The following PHACTR1 variants were observed in gnomAD, a reference collection of about 807,000 sequenced individuals.
PHACTR1 encodes the protein phosphatase and actin regulator 1.
A neutral mutation model predicts 69.2 loss-of-function variants in PHACTR1; 16 were observed. That is an observed-to-expected ratio of 0.23 (90% CI 0.16 to 0.35). The LOEUF is 0.35. Among genes scored for constraint, PHACTR1 ranks in the 10% least tolerant of loss-of-function variants. The pLI, the probability that PHACTR1 is intolerant of heterozygous loss-of-function variation, is 1.00. For missense variants in PHACTR1, 510 were observed against 734.7 expected (o/e 0.69, Z 3.54); for synonymous variants, 312 against 284.5 (o/e 1.10, Z -0.97).
chr6:12,922,937 C>T (rs571853225), intron 4 of PHACTR1, among the ~76,000 whole-genome samples: 6 of 152,142 alleles, frequency 3.9e-5, no homozygotes, highest in Admixed American at 6.6e-5. Flanking sequence ...CATCAGACCC[C>T]GGAGTAAATT....
At chr6:13,114,042 A>G (rs1462107493) in intron 5 of PHACTR1, among the ~76,000 whole-genome samples, 2 of 152,204 alleles carry the variant, frequency 1.3e-5, no homozygotes, top group Non-Finnish European at 2.9e-5. Flanking sequence ...AGCCATGCAC[A>G]GGGCAGATTT....
At position 13,246,601 on chromosome 6, in the gene PHACTR1, G is replaced by A. The variant is rs1385878827; in HGVS notation, c.1391+16408G>A. Among the ~76,000 whole-genome samples the A allele has an allele frequency of 6.6e-6, 1 of 152,164 alleles. No homozygotes were observed. Among genetic ancestry groups the A allele is most frequent in the Admixed American group, 6.5e-5 (1 of 15,270 alleles). ...AGAATTATCTGTTCTTTGTTTCAGT[G>A]GTGAAGTTGGCATTTCCAGTCTATA... On this transcript the variant is annotated intron_variant, in intron 10 of 14. Transcript: ENST00000332995. This position sits in a 1 kb window ranked among gnomAD's most constrained non-coding sequence, Gnocchi z 4.2.
At chr6:12,804,747 T>G (rs1326758329) in intron 4 of PHACTR1, among the ~76,000 whole-genome samples, 1 of 152,158 alleles carries the variant, frequency 6.6e-6, no homozygotes, top group Non-Finnish European at 1.5e-5. Flanking sequence ...TGCAGTGAGC[T>G]GAAATCATAC....
rs1761938956 is a variant in PHACTR1 at position 13,179,729 on chromosome 6, TAGA to T, written c.497-2789_497-2787del. On this transcript the variant is annotated intron_variant, in intron 6 of 14. Transcript: ENST00000332995. This position sits in a 1 kb window ranked among gnomAD's most constrained non-coding sequence, Gnocchi z 4.2. ...ATAGATAGATAGATAGATAGATAGA[TAGA>T]TAGATAGATAGATAGACAGAACAAG... Among the ~76,000 whole-genome samples the T allele has an allele frequency of 8.1e-6, 1 of 123,278 alleles. No individual in the cohort carries two copies. Among genetic ancestry groups the T allele is most frequent in the Non-Finnish European group, 1.8e-5 (1 of 56,268 alleles). The allele number at this position is 123,278 out of a possible 152,430, so 80.9% of individuals were successfully genotyped here.
At chr6:13,131,200 T>TACACATACAC (rs145110446) in intron 5 of PHACTR1, among the ~76,000 whole-genome samples, 1 of 34,528 alleles carries the variant, frequency 2.9e-5, no homozygotes, top group African/African-American at 5.9e-5. Flanking sequence ...CACATATATA[T>TACACATACAC]ATACACATAC....
chr6:12,809,604 A>G (rs1774793748), intron 4 of PHACTR1, among the ~76,000 whole-genome samples: 1 of 152,210 alleles, frequency 6.6e-6, no homozygotes, highest in Non-Finnish European at 1.5e-5. Flanking sequence ...TTCCTCTAAC[A>G]AGCATTTCAG....
At chr6:13,162,374 G>A (rs968103291) in intron 6 of PHACTR1, among the ~76,000 whole-genome samples, 14 of 151,924 alleles carry the variant, frequency 9.2e-5, no homozygotes, top group Admixed American at 2.0e-4. Context: ...TGATCCACCC[G>A]TCTCCGCCTC....
intron 4 of PHACTR1, among the ~76,000 whole-genome samples, chr6:12,934,569 C>G (rs1202595134): frequency 6.6e-6 from 1 of 152,206 alleles, no homozygotes; most frequent in Non-Finnish European, 1.5e-5. Context: ...GGTGTGGTGG[C>G]TCACGCCTGT....
chr6:12,901,566 C>G (rs1785193849), intron 4 of PHACTR1, among the ~76,000 whole-genome samples: 2 of 152,188 alleles, frequency 1.3e-5, no homozygotes, highest in African/African-American at 2.4e-5. Flanking sequence ...ACAATCTTGG[C>G]TCACTGCAAC....
rs984458034 is a variant in PHACTR1 at position 13,262,151 on chromosome 6, C to T, written c.1392-10709C>T. On this transcript the variant is annotated intron_variant, in intron 10 of 14. Coordinates refer to ENST00000332995, the MANE Select transcript of PHACTR1 (RefSeq NM_030948.6). ...TGGGAGAGATGCTGATGGACTGCTT[C>T]CCCAAGGTGGTGGTAGATGGAATCA... Among the ~76,000 whole-genome samples the T allele has an allele frequency of 1.6e-4, 24 of 152,146 alleles. 1 individual carries two copies. Among genetic ancestry groups the T allele is most frequent in the Admixed American group, 1.2e-3 (19 of 15,286 alleles).
intron 3 of PHACTR1, among the ~76,000 whole-genome samples, chr6:12,726,633 C>G (rs1762830580): frequency 6.6e-6 from 1 of 152,158 alleles, no homozygotes; most frequent in African/African-American, 2.4e-5. Flanking sequence ...CAGTGGAAAT[C>G]AGGTTGTCTT....
intron 4 of PHACTR1, among the ~76,000 whole-genome samples, chr6:12,985,142 A>T (rs1041688983): frequency 2.6e-5 from 4 of 152,218 alleles, no homozygotes; most frequent in Admixed American, 1.3e-4. Flanking sequence ...CATCATCAAC[A>T]TTCTAAGTTG....
Position 13,003,950 on chromosome 6 carries a change from C to CATATATATATATATATATATAT in PHACTR1, c.251-49415_251-49414insATATATATATATATATATATAT, listed in dbSNP as rs1562119669. On this transcript the variant is annotated intron_variant, in intron 4 of 14. Transcript: ENST00000332995. ...TCTTTTTTTATGGCTCAGTAGTATT[C>CATATATATATATATATATATAT]CTATATATATATATGTATATATATA... Among the ~76,000 whole-genome samples the CATATATATATATATATATATAT allele has an allele frequency of 9.8e-3, 793 of 81,146 alleles. 61 individuals are homozygous for CATATATATATATATATATATAT. Among genetic ancestry groups the CATATATATATATATATATATAT allele is most frequent in the South Asian group, 0.03 (74 of 2,486 alleles). 53.2% of individuals were successfully genotyped at this position (81,146 alleles called of 152,430 possible).
chr6:13,177,172 TAAAAAAAAAAAAAAAAA>T (rs530741132), intron 6 of PHACTR1, among the ~76,000 whole-genome samples: 4 of 63,376 alleles, frequency 6.3e-5, no homozygotes, highest in Non-Finnish European at 1.0e-4. Context: ...ACCCCATCTC[TAAAAAAAAAAAAAAAAA>T]AAAAAAAAAA....
intron 4 of PHACTR1, among the ~76,000 whole-genome samples, chr6:12,876,449 T>C (rs1434179672): frequency 6.6e-6 from 1 of 152,216 alleles, no homozygotes; most frequent in Non-Finnish European, 1.5e-5. Context: ...GTCGCACAGC[T>C]AGTAAACTGC....
rs1405105285 is a variant in PHACTR1, at chr6:13,042,556, A to G, written c.251-10809A>G. 2.6e-5 allele frequency among the ~76,000 whole-genome samples: 4 copies of G among 152,214 alleles called. No individual in the cohort carries two copies. The East Asian group carries it at 7.7e-4, about 29-fold the overall frequency. ...AGGTCTGAGATGGATTAAAATTCTT[A>G]ACAGGTACTTCAGTTGATTCTTATA... On this transcript the variant is annotated intron_variant, in intron 4 of 14. Coordinates refer to ENST00000332995, the MANE Select transcript of PHACTR1 (RefSeq NM_030948.6).
intron 10 of PHACTR1, among the ~76,000 whole-genome samples, chr6:13,237,007 G>A (rs1303279045): frequency 1.3e-5 from 2 of 151,998 alleles, no homozygotes; most frequent in East Asian, 3.8e-4. Flanking sequence ...CTGTTGTTTT[G>A]CAAAAATGAA....
intron 4 of PHACTR1, among the ~76,000 whole-genome samples, chr6:13,000,090 G>A (rs1797893468): frequency 6.6e-6 from 1 of 152,210 alleles, no homozygotes; most frequent in South Asian, 2.1e-4. Flanking sequence ...TGTACTGCAG[G>A]TGTCTTCCAA....
intron 5 of PHACTR1, among the ~76,000 whole-genome samples, chr6:13,121,699 A>G (rs1818760129): frequency 6.6e-6 from 1 of 152,188 alleles, no homozygotes; most frequent in Admixed American, 6.5e-5. Flanking sequence ...TGGCAGCTAT[A>G]TGAAGGCTAG....
Sources: gnomAD v4.1 joint callset for allele counts (sites outside exome capture counted in the v4.1 genomes callset) on GRCh38, gnomAD v4.1.1 for gene constraint, Gnocchi (gnomAD v3.1) non-coding constraint, MANE v1.5 for transcripts, NCBI Gene and HGNC (gene_info 2026-07-23, HGNC 2026-07-21) for gene names.